IARS1: variants seen among roughly 807,000 people sequenced by gnomAD.
IARS1 encodes the protein isoleucyl-tRNA synthetase 1.
Under a neutral mutation model 168.2 loss-of-function variants are expected in IARS1, and 124 were observed. The ratio of observed to expected loss-of-function variants is 0.74; its 90% CI spans 0.64 to 0.86. The LOEUF (loss-of-function observed/expected upper bound fraction) is 0.86. IARS1 is among the 40% of genes least tolerant of loss of function. The probability of loss-of-function intolerance (pLI) is 0.00; values close to 1 mark genes in which losing one functional copy is unlikely to be tolerated. For synonymous variants in IARS1, 532 were observed against 529.4 expected (o/e 1.00, Z -0.07); for missense variants, 1,452 against 1,515.8 (o/e 0.96, Z 0.70).
intron 5 of IARS1, 109 bp downstream of exon 5, chr9:92,286,427 G>T (rs796857816): frequency 2.1e-5 from 13 of 623,942 alleles, no homozygotes; most frequent in African/African-American, 2.0e-4. Context: ...GATTTTCAGA[G>T]AAATAACGAT....
chr9:92,234,755 C>T (rs1827229952), intron 30 of IARS1, among the ~76,000 whole-genome samples: 1 of 151,910 alleles, frequency 6.6e-6, no homozygotes, highest in Admixed American at 6.6e-5. Context: ...CATCACAGGT[C>T]TAAATAAACA....
intron 26 of IARS1, 106 bp from the exon 27 acceptor site, chr9:92,245,177 C>T (rs1037932193): frequency 3.5e-6 from 3 of 852,766 alleles, no homozygotes; most frequent in Non-Finnish European, 5.9e-6. Flanking sequence ...AATAACAAAG[C>T]CACAGAGGCT....
intron 10 of IARS1, among the ~76,000 whole-genome samples, chr9:92,273,844 C>T (rs1213181744): frequency 6.6e-6 from 1 of 152,156 alleles, no homozygotes; most frequent in African/African-American, 2.4e-5. Context: ...AGGTGCTACA[C>T]CATGCTACAC....
chr9:92,286,033 T>A (rs1000515597), intron 5 of IARS1, 194 bp from the exon 6 acceptor site: 4 of 518,760 alleles, frequency 7.7e-6, no homozygotes, highest in Non-Finnish European at 1.4e-5. Context: ...AATGCTAATA[T>A]CTACTGATAT....
intron 33 of IARS1, among the ~76,000 whole-genome samples, chr9:92,212,152 G>C (rs923480371): frequency 6.6e-6 from 1 of 152,060 alleles, no homozygotes; most frequent in Non-Finnish European, 1.5e-5. Context: ...ATAATTACAG[G>C]ACCTGGAGAT....
intron 31 of IARS1, 139 bp downstream of exon 31, chr9:92,228,862 G>A (rs779439817): frequency 8.2e-6 from 7 of 854,624 alleles, no homozygotes; most frequent in Non-Finnish European, 1.3e-5. Flanking sequence ...CTGCAGGCAG[G>A]CACTGCTGAA....
intron 7 of IARS1, among the ~76,000 whole-genome samples, chr9:92,280,308 A>G (rs573587578): frequency 7.2e-5 from 11 of 152,278 alleles, no homozygotes; most frequent in African/African-American, 2.4e-4. Context: ...CTGAAGGTAT[A>G]TTTGTTCACA....
chr9:92,259,111 G>A, intron 18 of IARS1, 113 bp from the exon 19 acceptor site: 11 of 910,650 alleles, frequency 1.2e-5, no homozygotes, highest in South Asian at 7.6e-5. Context: ...CTACAAAAGG[G>A]GGTAATTATG....
At chr9:92,243,088 G>T (rs1828676575) in intron 28 of IARS1, 128 bp downstream of exon 28, 1 of 648,944 alleles carries the variant, frequency 1.5e-6, no homozygotes, top group African/African-American at 1.8e-5. Flanking sequence ...ATTCCAAATG[G>T]ACTATGGATT....
intron 19 of IARS1, among the ~76,000 whole-genome samples, 155 bp downstream of exon 19, chr9:92,258,699 G>A (rs1831081903): frequency 2.0e-5 from 3 of 152,188 alleles, no homozygotes. Context: ...TTCCGCACCT[G>A]CATGTATGGC....
rs1217997897 is a variant in IARS1 at position 92,285,834 on chromosome 9, A to G, written c.485T>C (p.Val162Ala). The change falls in exon 6 of 34, where the codon GTC becomes GCC. Residue 162 changes from valine (V) to alanine (A), a missense_variant. Physicochemically the swap from Val to Ala is moderately conservative, Grantham distance 64. Transcript: ENST00000443024. ...GCCTTTATCATAGAGTTGTTTGAAG[A>G]CCCACCTGGTAAGAGATGGAGTTTC... ...YPQFMESVWW[V>A]FKQLYDKGLV... The G allele has an allele frequency of 1.3e-6, 2 of 1,575,946 alleles. No individual in the cohort carries two copies. The highest frequency in any genetic ancestry group is 2.2e-5 in the South Asian group (2 of 89,818).
rs973632706 is a variant in IARS1 at position 92,240,770 on chromosome 9, A to G, written c.3283+86T>C. On this transcript the variant is annotated intron_variant, in intron 30 of 33. Coordinates refer to ENST00000443024, the MANE Select transcript of IARS1 (RefSeq NM_002161.6). ...AAATAATTATTCCAATTCTCTTAAAAACATCCATAAGTTTTTTTGGTTGTT... is the reference window on the plus strand; with the variant it reads ...AAATAATTATTCCAATTCTCTTAAAGACATCCATAAGTTTTTTTGGTTGTT... 12 of 774,330 alleles carry G rather than the reference A, an allele frequency of 1.5e-5. No individual in the cohort carries two copies. The African/African-American group carries it at 1.9e-4, about 12-fold the overall frequency. 48.0% of individuals were successfully genotyped at this position (774,330 alleles called of 1,614,324 possible).
chr9:92,268,358 AAAT>A (rs760462562), intron 13 of IARS1, 58 bp from the exon 14 acceptor site: 37 of 1,557,554 alleles, frequency 2.4e-5, no homozygotes, highest in Non-Finnish European at 3.2e-5. Context: ...TTCAACATGT[AAAT>A]AATACCCACA....
chr9:92,251,238 A>G, intron 22 of IARS1: 1 of 446,944 alleles, frequency 2.2e-6, no homozygotes, highest in Non-Finnish European at 4.5e-6. Context: ...AGCACCTTGT[A>G]CAAAGCAGAT....
At chr9:92,268,613 CTCTAG>C (rs539472158) in intron 13 of IARS1, among the ~76,000 whole-genome samples, 179 of 152,342 alleles carry the variant, frequency 1.2e-3, no homozygotes, top group African/African-American at 4.0e-3. Context: ...TCCCATACAA[CTCTAG>C]TCTTCACATT....
intron 4 of IARS1, chr9:92,287,372 T>C (rs1835618062): frequency 6.5e-6 from 1 of 154,028 alleles, no homozygotes; most frequent in African/African-American, 2.4e-5. Flanking sequence ...AAAATTCTAT[T>C]AATATTATGG....
intron 6 of IARS1, among the ~76,000 whole-genome samples, chr9:92,282,210 T>C (rs890674917): frequency 6.6e-6 from 1 of 152,208 alleles, no homozygotes; most frequent in African/African-American, 2.4e-5. Flanking sequence ...AAAGCAAATG[T>C]GGTAAAAGGT....
intron 30 of IARS1, 125 bp downstream of exon 30, chr9:92,240,730 CT>C: frequency 1.4e-6 from 1 of 721,446 alleles, no homozygotes; most frequent in South Asian, 1.5e-5. Flanking sequence ...AAAAAGTTAT[CT>C]ATTAAACATG....
chr9:92,284,507 C>T (rs1438931029), intron 6 of IARS1, among the ~76,000 whole-genome samples: 1 of 152,136 alleles, frequency 6.6e-6, no homozygotes, highest in Non-Finnish European at 1.5e-5. Flanking sequence ...ACCAAACAGG[C>T]CGGGCGCAAT....
Sources: allele counts gnomAD v4.1 joint callset (sites outside exome capture counted in the v4.1 genomes callset), GRCh38; gene constraint gnomAD v4.1.1; transcripts MANE v1.5; gene names NCBI Gene and HGNC (gene_info 2026-07-23, HGNC 2026-07-21).